AHCYL2: variants seen among roughly 807,000 people sequenced by gnomAD.
AHCYL2 encodes adenosylhomocysteinase like 2, also known as S-adenosylhomocysteine hydrolase-like protein 2.
In AHCYL2, 28 loss-of-function variants were observed where a neutral mutation model predicts 81.4. The ratio of observed to expected loss-of-function variants is 0.34; its 90% CI spans 0.25 to 0.47. The LOEUF is 0.47. AHCYL2 is among the 20% of genes least tolerant of loss of function. The pLI, the probability that AHCYL2 is intolerant of heterozygous loss-of-function variation, is 1.00. For missense variants in AHCYL2, 551 were observed against 785.1 expected (o/e 0.70, Z 3.56); for synonymous variants, 272 against 290.2 (o/e 0.94, Z 0.64).
At chr7:129,226,643 T>C (rs756501408) in intron 1 of AHCYL2, among the ~76,000 whole-genome samples, 12 of 152,222 alleles carry the variant, frequency 7.9e-5, no homozygotes, top group Non-Finnish European at 1.3e-4. Context: ...GATTAAGGTA[T>C]AGCGGATAAT....
At chr7:129,384,795 A>G (rs1795129325) in intron 2 of AHCYL2, among the ~76,000 whole-genome samples, 1 of 152,246 alleles carries the variant, frequency 6.6e-6, no homozygotes, top group Non-Finnish European at 1.5e-5. Flanking sequence ...AAGATGATAC[A>G]TAACTAGTAC....
chr7:129,305,294 T>C (rs1258008203), intron 1 of AHCYL2, among the ~76,000 whole-genome samples: 2 of 152,104 alleles, frequency 1.3e-5, no homozygotes, highest in Non-Finnish European at 2.9e-5. Context: ...ACCCCGTCTC[T>C]ACTAAAAATA....
At chr7:129,235,580 G>T (rs939068687) in intron 1 of AHCYL2, among the ~76,000 whole-genome samples, 1 of 151,528 alleles carries the variant, frequency 6.6e-6, no homozygotes, top group African/African-American at 2.4e-5. Flanking sequence ...ATGCCACCAT[G>T]CCCAACTGAT....
intron 1 of AHCYL2, among the ~76,000 whole-genome samples, chr7:129,230,036 A>C (rs1271137996): frequency 6.6e-6 from 1 of 151,596 alleles, no homozygotes. Context: ...ACTGTATACC[A>C]GGCATTGTAC....
chr7:129,426,887 C>A lies in AHCYL2; in HGVS notation c.1830-152C>A. On this transcript the variant is annotated intron_variant, in intron 16 of 16. Transcript: ENST00000325006. The surrounding 1 kb of genome is among the most constrained non-coding windows in gnomAD (Gnocchi z 4.3). ...TTTATGGAGAAATATTGGCCTTTTT[C>A]AATGATGTGAAAAGGAAACACAGTT... 1 of 768,170 alleles carries A rather than the reference C, an allele frequency of 1.3e-6. No homozygotes were observed. Among genetic ancestry groups the A allele is most frequent in the Non-Finnish European group, 2.1e-6 (1 of 468,198 alleles). The allele number at this position is 768,170 out of a possible 1,614,324, so 47.6% of individuals were successfully genotyped here.
At chr7:129,327,767 A>T (rs1798274120) in intron 1 of AHCYL2, among the ~76,000 whole-genome samples, 1 of 151,564 alleles carries the variant, frequency 6.6e-6, no homozygotes, top group Admixed American at 6.6e-5. Flanking sequence ...CCTGGCCAAG[A>T]AGAAAGATAT....
Position 129,405,125 on chromosome 7 carries a change from C to T in AHCYL2, c.1054C>T (p.Leu352=), listed in dbSNP as rs756396883. ...GTACCAACTGTCCAAAGCTGGGAAGCTGTGTGTTCCAGCCATGAATGTCAA... is the reference window on the plus strand; with the variant it reads ...GTACCAACTGTCCAAAGCTGGGAAGTTGTGTGTTCCAGCCATGAATGTCAA... ...RLYQLSKAGK[L]CVPAMNVNDS... Residue 352 remains leucine (L), a synonymous_variant, in exon 8 of 17, where the codon CTG becomes TTG. Transcript: ENST00000325006. The T allele has an allele frequency of 1.9e-6, 3 of 1,606,228 alleles. No individual in the cohort carries two copies. The African/African-American group carries it at 4.0e-5, about 22-fold the overall frequency.
intron 1 of AHCYL2, among the ~76,000 whole-genome samples, chr7:129,257,169 C>A (rs952717944): frequency 6.6e-6 from 1 of 152,150 alleles, no homozygotes; most frequent in South Asian, 2.1e-4. Flanking sequence ...ATAGAACCCT[C>A]AGATAGGAAT....
At chr7:129,320,888 G>C (rs1797991615) in intron 1 of AHCYL2, among the ~76,000 whole-genome samples, 1 of 152,106 alleles carries the variant, frequency 6.6e-6, no homozygotes, top group Admixed American at 6.5e-5. Context: ...ATGATCTTTT[G>C]TGTCTGGCTT....
chr7:129,266,062 T>C (rs1323254333), intron 1 of AHCYL2, among the ~76,000 whole-genome samples: 7 of 152,234 alleles, frequency 4.6e-5, no homozygotes, highest in Admixed American at 3.9e-4. Flanking sequence ...ATTGTATTGC[T>C]ACAGTGACCT....
At position 129,225,065 on chromosome 7, in the gene AHCYL2, G is replaced by C. The variant is rs1192784562; in HGVS notation, c.-12G>C. 1 of 1,581,730 alleles carries C rather than the reference G, an allele frequency of 6.3e-7. No homozygotes were observed. Among genetic ancestry groups the C allele is most frequent in the Admixed American group, 1.8e-5 (1 of 55,376 alleles). On this transcript the variant is annotated 5_prime_UTR_variant, in exon 1 of 17. Coordinates refer to ENST00000325006, the MANE Select transcript of AHCYL2 (RefSeq NM_015328.4). ...GCTGGAGTCTGAGCCGGTGGTTGCA[G>C]CGGAGGCGGTGATGTCGGTGCAGGT...
chr7:129,376,074 T>A, intron 1 of AHCYL2: 1 of 1,014,370 alleles, frequency 9.9e-7, no homozygotes, highest in Non-Finnish European at 1.4e-6. Flanking sequence ...ACAGTCTCTT[T>A]CCCTCCCTTG....
Position 129,270,539 on chromosome 7 carries a change from AT to A in AHCYL2, c.363+45104del, listed in dbSNP as rs545200487. On this transcript the variant is annotated intron_variant, in intron 1 of 16. Transcript: ENST00000325006. ...GCCAGATAAATATATAATAGACATT[AT>A]TTTAAATCTATAGCTGAGCTTGTGA... 1.4e-4 allele frequency among the ~76,000 whole-genome samples: 22 copies of A among 152,322 alleles called. No homozygotes were observed. The South Asian group carries it at 4.3e-3, about 30-fold the overall frequency.
intron 1 of AHCYL2, among the ~76,000 whole-genome samples, chr7:129,280,766 A>G (rs1006679618): frequency 2.0e-5 from 3 of 151,504 alleles, no homozygotes; most frequent in Non-Finnish European, 4.4e-5. Flanking sequence ...GACAGTTTTC[A>G]TCAGGAATTT....
chr7:129,348,683 C>G lies in AHCYL2; in HGVS notation c.364-30955C>G, dbSNP rs76316473. Among the ~76,000 whole-genome samples, 498 of 152,254 alleles carry G rather than the reference C, an allele frequency of 3.3e-3. 5 individuals carry two copies. Among genetic ancestry groups the G allele is most frequent in the African/African-American group, 0.011 (437 of 41,556 alleles). ...CATGTAGTTAAGTATATAATACTTA[C>G]TAAATATGATACTTACTAGCCGTTG... is the stretch of plus-strand genomic sequence containing the variant. On this transcript the variant is annotated intron_variant, in intron 1 of 16. Coordinates refer to ENST00000325006, the MANE Select transcript of AHCYL2 (RefSeq NM_015328.4).
chr7:129,323,950 A>G (rs1440362004), intron 1 of AHCYL2, among the ~76,000 whole-genome samples: 1 of 148,598 alleles, frequency 6.7e-6, no homozygotes, highest in Non-Finnish European at 1.5e-5. Context: ...AGCCCACTGC[A>G]ACCTCTGCCT....
chr7:129,374,917 CTG>C (rs1029860374), intron 1 of AHCYL2, among the ~76,000 whole-genome samples: 2 of 148,514 alleles, frequency 1.3e-5, no homozygotes, highest in African/African-American at 5.0e-5. Flanking sequence ...CCCCCAATCT[CTG>C]TAGCAGACAG....
chr7:129,424,930 T>C lies in AHCYL2; in HGVS notation c.1617T>C (p.Thr539=), dbSNP rs777991724. The part of the protein sequence containing the change: ...STVPTFVLSI[T]ATTQALALIE... ...TGCCTACATTTGTGCTCTCAATCACTGCTACTACTCAGGTAAGGCTTCCAG... is the reference window on the plus strand; with the variant it reads ...TGCCTACATTTGTGCTCTCAATCACCGCTACTACTCAGGTAAGGCTTCCAG... The change falls in exon 14 of 17, where the codon ACT becomes ACC. Residue 539 remains threonine, a synonymous_variant. Coordinates refer to ENST00000325006, the MANE Select transcript of AHCYL2 (RefSeq NM_015328.4). 8 of 1,613,956 alleles carry C rather than the reference T, an allele frequency of 5.0e-6. No individual in the cohort carries two copies. Among genetic ancestry groups the C allele is most frequent in the Middle Eastern group, 1.7e-4 (1 of 5,874 alleles).
intron 1 of AHCYL2, among the ~76,000 whole-genome samples, chr7:129,245,358 A>G (rs906920959): frequency 2.0e-5 from 3 of 152,198 alleles, no homozygotes; most frequent in East Asian, 1.9e-4. Flanking sequence ...TATATATAAC[A>G]TGCAATTTAC....
Sources: allele counts gnomAD v4.1 joint callset (sites outside exome capture counted in the v4.1 genomes callset), GRCh38; gene constraint gnomAD v4.1.1; non-coding constraint Gnocchi (gnomAD v3.1); transcripts MANE v1.5; gene names NCBI Gene and HGNC (gene_info 2026-07-23, HGNC 2026-07-21).